Variants in KAZN observed in about 807,000 individuals in gnomAD.
KAZN encodes the protein kazrin.
In KAZN, 40 loss-of-function variants were observed where a neutral mutation model predicts 87.4. The observed-to-expected ratio is 0.46, with a 90% CI of 0.36 to 0.60. KAZN has a LOEUF of 0.60. Among genes scored for constraint, KAZN ranks in the 20% least tolerant of loss-of-function variants. The pLI is 0.00. For missense variants in KAZN, 898 were observed against 1,073.9 expected, an observed-to-expected ratio of 0.84 and a Z score of 2.29; for synonymous variants, 466 against 458.3, an observed-to-expected ratio of 1.02 and a Z score of -0.22.
At position 15,066,130 on chromosome 1, in the gene KAZN, G is replaced by T; in HGVS notation, c.1222+377G>T. The stretch of plus-strand genomic sequence containing the variant: ...TTGGTTTTTCTTTTTCTTTTTGTTT[G>T]GTTCGTCGGTTTGTTTTTGTTTTTG... On this transcript the variant is annotated intron_variant, in intron 8 of 14. Transcript: ENST00000376030. This position sits in a 1 kb window ranked among gnomAD's most constrained non-coding sequence, Gnocchi z 4.3. The T allele has an allele frequency of 9.3e-7, 1 of 1,076,176 alleles. No homozygotes were observed. The highest frequency in any genetic ancestry group is 5.3e-5 in the Admixed American group (1 of 18,830). The allele number at this position is 1,076,176 out of a possible 1,614,324, so 66.7% of individuals were successfully genotyped here. A position where few individuals can be genotyped will look rare whatever the true frequency, so the allele number is the denominator to read the frequency against.
chr1:13,995,219 C>CATAAAAAAAAAAAA (rs1639454216), intron 1 of KAZN, among the ~76,000 whole-genome samples: 1 of 107,390 alleles, frequency 9.3e-6, no homozygotes, highest in Non-Finnish European at 2.0e-5. Context: ...TGCAATAAGG[C>CATAAAAAAAAAAAA]AAAAAAAAAA....
chr1:14,009,702 G>A (rs762297010), intron 1 of KAZN, among the ~76,000 whole-genome samples: 25 of 152,270 alleles, frequency 1.6e-4, no homozygotes, highest in East Asian at 1.2e-3. Flanking sequence ...TATCTGATCC[G>A]CTGTTCATTC....
intron 1 of KAZN, among the ~76,000 whole-genome samples, chr1:14,123,738 C>T (rs1644800065): frequency 6.6e-6 from 1 of 152,172 alleles, no homozygotes; most frequent in Non-Finnish European, 1.5e-5. Context: ...GATCAATCTT[C>T]CCAAATGACT....
chr1:14,419,796 T>C (rs1027627197), intron 2 of KAZN, among the ~76,000 whole-genome samples: 5 of 152,056 alleles, frequency 3.3e-5, no homozygotes, highest in Admixed American at 2.0e-4. Flanking sequence ...GAGTTGTTCA[T>C]TCCTCCCGGT....
chr1:14,173,843 T>C (rs1157499273), intron 1 of KAZN, among the ~76,000 whole-genome samples: 1 of 152,154 alleles, frequency 6.6e-6, no homozygotes, highest in Non-Finnish European at 1.5e-5. Context: ...CCTCAGGGAC[T>C]TGGGAGTGGA....
intron 1 of KAZN, among the ~76,000 whole-genome samples, chr1:14,052,263 C>G (rs916446723): frequency 6.6e-6 from 1 of 152,254 alleles, no homozygotes; most frequent in African/African-American, 2.4e-5. Flanking sequence ...TTTACACATT[C>G]TGCTTTTTGC....
intron 2 of KAZN, among the ~76,000 whole-genome samples, chr1:14,376,981 A>G (rs565934190): frequency 3.9e-5 from 6 of 152,344 alleles, no homozygotes; most frequent in African/African-American, 1.4e-4. Context: ...TTTGTTTAAT[A>G]TCAAGATCTT....
At chr1:14,405,606 ATGTGTGTGTGTGTGTG>A (rs111850452) in intron 2 of KAZN, among the ~76,000 whole-genome samples, 4 of 136,326 alleles carry the variant, frequency 2.9e-5, no homozygotes, top group South Asian at 2.5e-4. Context: ...ACCCAATAAA[ATGTGTGTGTGTGTGTG>A]TGTGTGTGTG....
At position 14,340,888 on chromosome 1, in the gene KAZN, C is replaced by CTTTTTTT. The variant is rs3085672; in HGVS notation, c.249+160307_249+160313dup. 3.5e-3 allele frequency among the ~76,000 whole-genome samples: 366 copies of CTTTTTTT among 103,114 alleles called. 64 individuals are homozygous for CTTTTTTT. The highest frequency in any genetic ancestry group is 6.9e-3 in the Middle Eastern group (1 of 144). 67.6% of individuals were successfully genotyped at this position (103,114 alleles called of 152,430 possible). A position where few individuals can be genotyped will look rare whatever the true frequency, so the allele number is the denominator to read the frequency against. ...ATCTCCGTAAGGGTCATGATTTTCC[C>CTTTTTTT]TTTTTTTTTTTTTTTTTGAGATGGA... On this transcript the variant is annotated intron_variant, in intron 2 of 16. Transcript: ENST00000636203.
At position 14,802,343 on chromosome 1, in the gene KAZN, G is replaced by A. The variant is rs182543694; in HGVS notation, c.227-158341G>A. Among the ~76,000 whole-genome samples the A allele has an allele frequency of 1.6e-3, 236 of 151,378 alleles. 2 individuals carry two copies. Among genetic ancestry groups the A allele is most frequent in the Non-Finnish European group, 1.4e-3 (93 of 67,946 alleles). ...TGCTTGAACCCGGGAAGCGGAGGTC[G>A]CAGTGAGCTGAGATTGTGCCACTGT... On this transcript the variant is annotated intron_variant, in intron 1 of 14. Coordinates refer to ENST00000376030, the MANE Select transcript of KAZN (RefSeq NM_201628.3).
At chr1:14,720,361 C>A (rs148718140) in intron 1 of KAZN, among the ~76,000 whole-genome samples, 1 of 152,298 alleles carries the variant, frequency 6.6e-6, no homozygotes, top group East Asian at 1.9e-4. Flanking sequence ...ACCTCCAAGT[C>A]CCTAATGCGT....
In KAZN at chr1:14,418,063, C is replaced by G. The variant is rs147726277; in HGVS notation, c.250-180920C>G. 4.9e-3 allele frequency among the ~76,000 whole-genome samples: 631 copies of G among 129,886 alleles called. 4 individuals carry two copies. Among genetic ancestry groups the G allele is most frequent in the African/African-American group, 0.017 (600 of 35,002 alleles). 85.2% of individuals were successfully genotyped at this position (129,886 alleles called of 152,430 possible). On this transcript the variant is annotated intron_variant, in intron 2 of 16. Coordinates refer to the KAZN transcript ENST00000636203. ...AAAAAAACCTACATCGAAAGATTTG[C>G]CATCTCTAGACATGTCCCCTCCCAG...
Position 13,998,833 on chromosome 1 carries a change from C to T in KAZN, c.91+105077C>T, listed in dbSNP as rs1287457655. On this transcript the variant is annotated intron_variant, in intron 1 of 16. Coordinates refer to the KAZN transcript ENST00000636203. ...GAGACAGAAAATTAACAAGGATATT[C>T]GGGACTTGAATTCTGCTCTGGATCA... Among the ~76,000 whole-genome samples the T allele has an allele frequency of 3.9e-5, 6 of 152,146 alleles. No individual in the cohort carries two copies. In the East Asian group the frequency reaches 5.8e-4, roughly 15 times the overall value.
chr1:14,784,780 C>T (rs1005953055), intron 1 of KAZN, among the ~76,000 whole-genome samples: 3 of 152,182 alleles, frequency 2.0e-5, no homozygotes, highest in Non-Finnish European at 2.9e-5. Context: ...ATTCAAGTGA[C>T]TACTCCAGAC....
chr1:14,474,194 G>A lies in KAZN; in HGVS notation c.250-124789G>A, dbSNP rs74340138. 4.5e-3 allele frequency among the ~76,000 whole-genome samples: 692 copies of A among 152,148 alleles called. 39 individuals are homozygous for A. The East Asian group carries it at 0.11, about 23-fold the overall frequency. On this transcript the variant is annotated intron_variant, in intron 2 of 16. Transcript: ENST00000636203. Reference sequence around the variant, plus strand: ...TGAGTTATGCTTTAGTTTGCTGAAGGCTCCTATTTTCTAGTACATGCAAAT... The same window carrying A: ...TGAGTTATGCTTTAGTTTGCTGAAGACTCCTATTTTCTAGTACATGCAAAT...
At chr1:14,339,581 A>AG (rs1235172233) in intron 2 of KAZN, among the ~76,000 whole-genome samples, 1 of 152,204 alleles carries the variant, frequency 6.6e-6, no homozygotes, top group Non-Finnish European at 1.5e-5. Context: ...CAGGAAAAAA[A>AG]CTGATATTCG....
At chr1:14,740,304 GC>G (rs574939545) in intron 1 of KAZN, among the ~76,000 whole-genome samples, 227 of 152,316 alleles carry the variant, frequency 1.5e-3, no homozygotes, top group African/African-American at 5.1e-3. Flanking sequence ...TGGGCAGGAC[GC>G]CTCTAAACCG....
rs375302104 is a variant in KAZN at position 14,565,396 on chromosome 1, T to G, written c.250-33587T>G. ...ATGTACATACCTTAATTAAACATTTTATTCCTAAAAAAAATGCTAATGATC... is the reference window on the plus strand; with the variant it reads ...ATGTACATACCTTAATTAAACATTTGATTCCTAAAAAAAATGCTAATGATC... On this transcript the variant is annotated intron_variant, in intron 2 of 16. Transcript: ENST00000636203. 6.5e-3 allele frequency among the ~76,000 whole-genome samples: 986 copies of G among 152,338 alleles called. 5 individuals are homozygous for G. The highest frequency in any genetic ancestry group is 9.9e-3 in the Non-Finnish European group (674 of 68,020).
intron 1 of KAZN, among the ~76,000 whole-genome samples, chr1:14,787,314 T>A (rs1324803474): frequency 1.3e-5 from 2 of 152,192 alleles, no homozygotes; most frequent in Non-Finnish European, 2.9e-5. Flanking sequence ...GTTACTCCCA[T>A]GTTACAGTAG....
Sources: allele counts gnomAD v4.1 joint callset (sites outside exome capture counted in the v4.1 genomes callset), GRCh38; gene constraint gnomAD v4.1.1; non-coding constraint Gnocchi (gnomAD v3.1); transcripts MANE v1.5; gene names NCBI Gene and HGNC (gene_info 2026-07-23, HGNC 2026-07-21).